BLTP1: variants seen among roughly 807,000 people sequenced by gnomAD.
BLTP1 encodes the protein bridge-like lipid transfer protein family member 1, also known as fragile site-associated protein.
At chr4:122,349,767 TAAA>T in the BLTP1 span, 3 of 1,556,520 alleles carry the variant, frequency 1.9e-6, no homozygotes, top group Admixed American at 6.0e-5. The surrounding 1 kb of genome is among the most constrained non-coding windows in gnomAD (Gnocchi z 4.5). Flanking sequence ...TAATACAAAT[TAAA>T]AAGCTGGGCG....
At chr4:122,343,856 T>C in the BLTP1 span, 1 of 677,624 alleles carries the variant, frequency 1.5e-6, no homozygotes, top group Non-Finnish European at 1.8e-6. Context: ...CACAGTAATC[T>C]CTGGATATCA....
chr4:122,281,545 T>A, the BLTP1 span: 15 of 1,591,238 alleles, frequency 9.4e-6, no homozygotes, highest in Non-Finnish European at 1.1e-5. Context: ...GCCCACAGCC[T>A]GTAAAAGAAG....
At chr4:122,221,213 TCATTTTATTTAAAATAG>T in the BLTP1 span, 1 of 191,060 alleles carries the variant, frequency 5.2e-6, no homozygotes, top group Non-Finnish European at 9.6e-6. Context: ...TAGTAATTGA[TCATTTTATTTAAAATAG>T]CATATCTCCT....
chr4:122,251,542 T>A, the BLTP1 span: 1 of 980,320 alleles, frequency 1.0e-6, no homozygotes, highest in Non-Finnish European at 1.2e-6. Context: ...ATCACTTTAA[T>A]TAAGGAAATT....
the BLTP1 span, chr4:122,334,354 A>T: frequency 6.4e-7 from 1 of 1,573,964 alleles, no homozygotes; most frequent in Non-Finnish European, 8.7e-7. Context: ...TTGCATTACA[A>T]TTCCAAGACG....
chr4:122,248,723 C>A, the BLTP1 span, among the ~76,000 whole-genome samples: 1 of 151,920 alleles, frequency 6.6e-6, no homozygotes, highest in Non-Finnish European at 1.5e-5. Context: ...TATTATATAG[C>A]TATTAAAATG....
the BLTP1 span, among the ~76,000 whole-genome samples, chr4:122,166,457 T>G: frequency 1.3e-5 from 2 of 152,116 alleles, no homozygotes; most frequent in Non-Finnish European, 2.9e-5. Context: ...ACCAGTACCA[T>G]GCTGTTTTGG....
At chr4:122,291,815 G>A in the BLTP1 span, 1 of 980,366 alleles carries the variant, frequency 1.0e-6, no homozygotes, top group Non-Finnish European at 1.2e-6. Flanking sequence ...GGTTCCATAA[G>A]CTAAAATTAT....
chr4:122,214,886 A>C, the BLTP1 span, among the ~76,000 whole-genome samples: 1 of 152,118 alleles, frequency 6.6e-6, no homozygotes, highest in Non-Finnish European at 1.5e-5. Context: ...TGCTGGGATT[A>C]CAGGCATGAG....
chr4:122,172,656 A>G, the BLTP1 span, among the ~76,000 whole-genome samples: 2 of 152,200 alleles, frequency 1.3e-5, no homozygotes, highest in Admixed American at 1.3e-4. Context: ...ACAAGTGGCT[A>G]TAGCTTGTTT....
At chr4:122,164,179 A>G in the BLTP1 span, among the ~76,000 whole-genome samples, 1 of 152,238 alleles carries the variant, frequency 6.6e-6, no homozygotes, top group Non-Finnish European at 1.5e-5. Flanking sequence ...TTATAGAGTT[A>G]CAGATGACTA....
chr4:122,311,863 A>C, the BLTP1 span, among the ~76,000 whole-genome samples: 1 of 152,162 alleles, frequency 6.6e-6, no homozygotes, highest in Non-Finnish European at 1.5e-5. Context: ...GGTTGCTCCA[A>C]GTCATCATTC....
At chr4:122,258,250 G>A in the BLTP1 span, among the ~76,000 whole-genome samples, 1 of 152,122 alleles carries the variant, frequency 6.6e-6, no homozygotes, top group East Asian at 1.9e-4. Context: ...AGAGATTTTA[G>A]AACATTGATA....
the BLTP1 span, chr4:122,281,889 A>C: frequency 7.6e-7 from 1 of 1,311,508 alleles, no homozygotes; most frequent in East Asian, 2.9e-5. Flanking sequence ...AATTTTGATT[A>C]TAACATTTAA....
the BLTP1 span, chr4:122,178,135 G>A: frequency 1.2e-6 from 1 of 849,974 alleles, no homozygotes; most frequent in Non-Finnish European, 1.4e-6. Flanking sequence ...AACATGTGGA[G>A]GCATAATAAA....
the BLTP1 span, among the ~76,000 whole-genome samples, chr4:122,243,261 TG>T: frequency 1.3e-5 from 2 of 152,246 alleles, no homozygotes; most frequent in Non-Finnish European, 2.9e-5. Context: ...CTATTAAACA[TG>T]CTGTAACTTG....
At chr4:122,329,511 TTACTTTA>T in the BLTP1 span, among the ~76,000 whole-genome samples, 1 of 151,756 alleles carries the variant, frequency 6.6e-6, no homozygotes, top group Admixed American at 6.6e-5. Flanking sequence ...ATAGGAAATA[TTACTTTA>T]TAGTTGTGTG....
At chr4:122,319,454 T>G in the BLTP1 span, among the ~76,000 whole-genome samples, 1 of 152,020 alleles carries the variant, frequency 6.6e-6, no homozygotes, top group African/African-American at 2.4e-5. Flanking sequence ...GATTTTTTTC[T>G]TCAACTCATG....
the BLTP1 span, among the ~76,000 whole-genome samples, chr4:122,319,672 C>G: frequency 1.3e-5 from 2 of 151,580 alleles, no homozygotes; most frequent in Non-Finnish European, 2.9e-5. Context: ...TCCCAAGTAG[C>G]TGGGATTACA....
Sources: gnomAD v4.1 joint callset for allele counts (sites outside exome capture counted in the v4.1 genomes callset) on GRCh38, gnomAD v4.1.1 for gene constraint, Gnocchi (gnomAD v3.1) non-coding constraint, MANE v1.5 for transcripts, NCBI Gene and HGNC (gene_info 2026-07-23, HGNC 2026-07-21) for gene names.